Variants in SHISA9 observed in about 807,000 individuals in gnomAD.
The protein encoded by SHISA9 is protein shisa-9.
In SHISA9, 13 loss-of-function variants were observed where a neutral mutation model predicts 38.0. That is an observed-to-expected ratio of 0.34 (90% confidence interval 0.22 to 0.54). The LOEUF (loss-of-function observed/expected upper bound fraction) is 0.54. Ranked by LOEUF, SHISA9 falls within the 20% of genes least tolerant of loss-of-function variation. SHISA9 has a pLI of 0.91. For synonymous variants in SHISA9, 275 were observed against 242.0 expected (o/e 1.14, Z -1.27); for missense variants, 538 against 575.8 (o/e 0.93, Z 0.67).
chr16:13,283,008 A>G, the SHISA9 span, among the ~76,000 whole-genome samples: 2 of 151,954 alleles, frequency 1.3e-5, no homozygotes, highest in African/African-American at 4.8e-5. Context: ...GTTTATATTA[A>G]TGACTTTATT....
chr16:13,233,022 G>T (rs2051347017), intron 4 of SHISA9, among the ~76,000 whole-genome samples: 1 of 151,832 alleles, frequency 6.6e-6, no homozygotes, highest in Non-Finnish European at 1.5e-5. Flanking sequence ...TTTTTTGCAG[G>T]GCCATTTCAA....
intron 4 of SHISA9, among the ~76,000 whole-genome samples, chr16:13,222,318 G>T (rs1236538978): frequency 6.6e-6 from 1 of 152,142 alleles, no homozygotes; most frequent in Non-Finnish European, 1.5e-5. Flanking sequence ...GCTCTACTCC[G>T]AGTGGTCACT....
chr16:13,439,792 C>A, the SHISA9 span, among the ~76,000 whole-genome samples: 1 of 152,126 alleles, frequency 6.6e-6, no homozygotes, highest in Non-Finnish European at 1.5e-5. Flanking sequence ...ATTACAAGGG[C>A]CTTCGTGAGA....
At chr16:12,934,471 G>T (rs575284430) in intron 2 of SHISA9, among the ~76,000 whole-genome samples, 84 of 152,296 alleles carry the variant, frequency 5.5e-4, no homozygotes, top group South Asian at 4.4e-3. Context: ...TTTTCAAACT[G>T]ATATATCCAT....
the SHISA9 span, among the ~76,000 whole-genome samples, chr16:13,439,744 C>T: frequency 6.6e-6 from 1 of 152,178 alleles, no homozygotes; most frequent in Non-Finnish European, 1.5e-5. Flanking sequence ...GCCTCCCCCT[C>T]ATTAAATGTC....
At chr16:13,536,907 T>C in the SHISA9 span, among the ~76,000 whole-genome samples, 2 of 152,200 alleles carry the variant, frequency 1.3e-5, no homozygotes, top group Non-Finnish European at 2.9e-5. Flanking sequence ...CACACTAATG[T>C]TGTCCTACTA....
the SHISA9 span, among the ~76,000 whole-genome samples, chr16:13,529,958 C>T: frequency 1.2e-4 from 18 of 152,228 alleles, no homozygotes; most frequent in Non-Finnish European, 2.9e-5. Flanking sequence ...AGAGCAGAAG[C>T]TTACTACAGA....
chr16:12,984,065 T>A (rs1368433832), intron 2 of SHISA9, among the ~76,000 whole-genome samples: 1 of 152,186 alleles, frequency 6.6e-6, no homozygotes, highest in Non-Finnish European at 1.5e-5. Flanking sequence ...CTAGTCCATC[T>A]GGGGCTCTTC....
chr16:13,248,253 A>G, the SHISA9 span, among the ~76,000 whole-genome samples: 3 of 152,274 alleles, frequency 2.0e-5, no homozygotes, highest in Middle Eastern at 3.4e-3. Flanking sequence ...GTTCTGCTCA[A>G]AAAACCTCAT....
the SHISA9 span, among the ~76,000 whole-genome samples, chr16:13,448,705 GA>G: frequency 6.6e-6 from 1 of 152,202 alleles, no homozygotes. Context: ...AATATCACAG[GA>G]AAATAAGCCA....
At chr16:12,935,797 A>G (rs1282402406) in intron 2 of SHISA9, among the ~76,000 whole-genome samples, 1 of 150,812 alleles carries the variant, frequency 6.6e-6, no homozygotes, top group Admixed American at 6.6e-5. Context: ...TGCAGTAAGC[A>G]GAGATTGTGC....
chr16:13,445,548 T>C, the SHISA9 span, among the ~76,000 whole-genome samples: 1 of 152,210 alleles, frequency 6.6e-6, no homozygotes, highest in Non-Finnish European at 1.5e-5. Flanking sequence ...TTCTTAGAGG[T>C]GAATTTGAAA....
chr16:13,412,835 G>A, the SHISA9 span, among the ~76,000 whole-genome samples: 740 of 152,070 alleles, frequency 4.9e-3, 6 homozygotes, highest in Non-Finnish European at 5.6e-3. Flanking sequence ...CAGTCCGGGC[G>A]ACAGAGAAAG....
chr16:13,059,985 C>T (rs1488420016), intron 2 of SHISA9, among the ~76,000 whole-genome samples: 1 of 152,164 alleles, frequency 6.6e-6, no homozygotes, highest in African/African-American at 2.4e-5. Context: ...GTCTGTGGTT[C>T]TTTATCTTAA....
chr16:13,347,619 A>C, the SHISA9 span, among the ~76,000 whole-genome samples: 4 of 152,200 alleles, frequency 2.6e-5, no homozygotes, highest in Admixed American at 2.0e-4. Flanking sequence ...TGGCTCAACT[A>C]AAATTCTGGG....
chr16:12,927,707 C>G (rs2071409616), intron 2 of SHISA9, among the ~76,000 whole-genome samples: 2 of 152,072 alleles, frequency 1.3e-5, no homozygotes, highest in South Asian at 4.1e-4. Flanking sequence ...CCATGACTGC[C>G]TGTTTTTTAC....
chr16:12,985,330 G>A (rs905061), intron 2 of SHISA9, among the ~76,000 whole-genome samples: 15,838 of 152,076 alleles, frequency 0.1, 1,225 homozygotes, highest in African/African-American at 0.21. Context: ...CTGCAGATCT[G>A]GGATTTCTTG....
intron 2 of SHISA9, among the ~76,000 whole-genome samples, chr16:13,023,408 G>A (rs1051388590): frequency 6.6e-6 from 1 of 152,116 alleles, no homozygotes; most frequent in African/African-American, 2.4e-5. Context: ...TTTTCTTAAT[G>A]CAGTCTATCA....
chr16:13,343,787 A>T, the SHISA9 span, among the ~76,000 whole-genome samples: 1 of 152,188 alleles, frequency 6.6e-6, no homozygotes, highest in Non-Finnish European at 1.5e-5. Context: ...AGGCATCATG[A>T]TCTTTAATTA....
Sources: gnomAD v4.1 joint callset for allele counts (sites outside exome capture counted in the v4.1 genomes callset) on GRCh38, gnomAD v4.1.1 for gene constraint, MANE v1.5 for transcripts, NCBI Gene and HGNC (gene_info 2026-07-23, HGNC 2026-07-21) for gene names.